Variants in NDOR1 observed in about 807,000 individuals in gnomAD.
NDOR1 encodes NADPH-dependent diflavin oxidoreductase 1.
Under a neutral mutation model 67.2 loss-of-function variants are expected in NDOR1, and 61 were observed. The ratio of observed to expected loss-of-function variants is 0.91; its 90% CI spans 0.74 to 1.12. The LOEUF (loss-of-function observed/expected upper bound fraction) is 1.12. Among genes scored for constraint, NDOR1 ranks in the 50% most tolerant of loss-of-function variants. NDOR1 has a pLI of 0.00. For synonymous variants in NDOR1, 378 were observed against 343.7 expected, an observed-to-expected ratio of 1.10 and a Z score of -1.10; for missense variants, 878 against 802.8, an observed-to-expected ratio of 1.09 and a Z score of -1.13.
chr9:137,214,995 C>G lies in NDOR1; in HGVS notation c.1042C>G (p.Arg348Gly). 1 of 1,613,202 alleles carries G rather than the reference C, an allele frequency of 6.2e-7. No individual in the cohort carries two copies. Among genetic ancestry groups the G allele is most frequent in the East Asian group, 2.2e-5 (1 of 44,856 alleles). The change falls in exon 8 of 14, where the codon CGG becomes GGG. Residue 348 changes from arginine to glycine, a missense_variant. Arg to Gly is a moderately radical substitution (Grantham distance 125, BLOSUM62 -2). Coordinates refer to ENST00000684003, the MANE Select transcript of NDOR1 (RefSeq NM_014434.4). ...GQEELFEYCN[R>G]PRRTILEVLC... is the part of the protein sequence containing the mutation. ...GGAGGAGCTCTTTGAATACTGCAAC[C>G]GGCCCCGCAGGACCATCCTGGAGGT...
chr9:137,210,748 G>C (rs1199557542), intron 2 of NDOR1, among the ~76,000 whole-genome samples: 1 of 152,214 alleles, frequency 6.6e-6, no homozygotes, highest in Non-Finnish European at 1.5e-5. Flanking sequence ...TTGGGAGGCT[G>C]AGGTTGGAGG....
chr9:137,214,680 C>T lies in NDOR1; in HGVS notation c.833C>T (p.Pro278Leu), dbSNP rs368517978. Residue 278 changes from proline to leucine, a missense_variant, in exon 7 of 14, where the codon CCG becomes CTG. Transcript: ENST00000684003. ...CCTGACCAGCTCTTCATGCTGCAGC[C>T]GCGGGAGCCAGGTGAGCCCAGCCTC... ...LDPDQLFMLQ[P>L]REPDVSSPTR... is the part of the protein sequence containing the mutation. The T allele has an allele frequency of 1.6e-5, 26 of 1,603,820 alleles. No homozygotes were observed. Among genetic ancestry groups the T allele is most frequent in the African/African-American group, 2.7e-5 (2 of 75,032 alleles).
At position 137,218,953 on chromosome 9, in the gene NDOR1, C is replaced by T. The variant is rs1046105368; in HGVS notation, c.*2537C>T. The T allele has an allele frequency of 3.1e-5, 8 of 257,742 alleles. No homozygotes were observed. The highest frequency in any genetic ancestry group is 4.4e-5 in the Non-Finnish European group (6 of 136,448). 16.0% of individuals were successfully genotyped at this position (257,742 alleles called of 1,614,324 possible). A position where few individuals can be genotyped will look rare whatever the true frequency, so the allele number is the denominator to read the frequency against. ...CACCGTACTGGCCACGGGCTGACGC[C>T]GGCCACACTTCCCCTCCGAGGGCCA... is the stretch of plus-strand genomic sequence containing the variant. On this transcript the variant is annotated 3_prime_UTR_variant, in exon 14 of 14. Coordinates refer to ENST00000684003, the MANE Select transcript of NDOR1 (RefSeq NM_014434.4).
In NDOR1 at chr9:137,212,409, C is replaced by A. The variant is rs1835303076; in HGVS notation, c.214-93C>A. On this transcript the variant is annotated intron_variant, in intron 2 of 13. Transcript: ENST00000684003. The surrounding 1 kb of genome is among the most constrained non-coding windows in gnomAD (Gnocchi z 4.3). ...TTGTATTCTGCCCCCATCCTACCCA[C>A]CTGCCTGTTCCCCTGAGACCCTCCC... 2.7e-6 allele frequency: 3 copies of A among 1,117,344 alleles called. No individual in the cohort carries two copies. Among genetic ancestry groups the A allele is most frequent in the Non-Finnish European group, 2.7e-6 (2 of 736,162 alleles). The allele number at this position is 1,117,344 out of a possible 1,614,324, so 69.2% of individuals were successfully genotyped here.
chr9:137,213,345 GGAACCA>G (rs1163175017), intron 3 of NDOR1, among the ~76,000 whole-genome samples: 1 of 152,140 alleles, frequency 6.6e-6, no homozygotes, highest in Non-Finnish European at 1.5e-5. Context: ...GTCATGCCTC[GGAACCA>G]GAGTGAGAAG....
At position 137,214,839 on chromosome 9, in the gene NDOR1, C is replaced by T. The variant is rs753434366; in HGVS notation, c.886C>T (p.Arg296Trp). 58 of 1,608,246 alleles carry T rather than the reference C, an allele frequency of 3.6e-5. No individual in the cohort carries two copies. The highest frequency in any genetic ancestry group is 1.8e-4 in the Admixed American group (11 of 60,010). Residue 296 changes from arginine to tryptophan, a missense_variant, in exon 8 of 14, where the codon CGG becomes TGG. By Grantham distance (101) the Arg-to-Trp change is moderately radical (BLOSUM62 -3). Coordinates refer to ENST00000684003, the MANE Select transcript of NDOR1 (RefSeq NM_014434.4). ...GAGGCTGCCCCAGCCCTGCTCCATG[C>T]GGCACCTCGTGTCCCACTACCTGGA... ...PTRLPQPCSMRHLVSHYLDIA... is the reference protein window; with the variant it reads ...PTRLPQPCSMWHLVSHYLDIA...
At chr9:137,206,104 A>G in intron 1 of NDOR1, 128 bp from the exon 2 acceptor site, 2 of 1,443,188 alleles carry the variant, frequency 1.4e-6, no homozygotes, top group South Asian at 1.2e-5. Context: ...GAAAGAGAAG[A>G]CGGTCTGGCT....
At position 137,216,364 on chromosome 9, in the gene NDOR1, A is replaced by G; in HGVS notation, c.1742A>G (p.Tyr581Cys). The change falls in exon 14 of 14, where the codon TAT (tyrosine) becomes TGT (cysteine). Residue 581 changes from tyrosine (Y) to cysteine (C), a missense_variant. Tyr to Cys is a radical substitution (Grantham distance 194, BLOSUM62 -2). Coordinates refer to ENST00000684003, the MANE Select transcript of NDOR1 (RefSeq NM_014434.4). ...CTCTGCAGCCCGGACGCAGCCGCGT[A>G]TCTAGCCAGGCTCCAGCAGACACGG... ...GGLCSPDAAA[Y>C]LARLQQTRRF... 1 of 1,608,630 alleles carries G rather than the reference A, an allele frequency of 6.2e-7. No individual in the cohort carries two copies. Among genetic ancestry groups the G allele is most frequent in the Non-Finnish European group, 8.5e-7 (1 of 1,179,920 alleles).
At position 137,216,022 on chromosome 9, in the gene NDOR1, G is replaced by A. The variant is rs748765993; in HGVS notation, c.1554+5G>A. 1.9e-6 allele frequency: 3 copies of A among 1,613,560 alleles called. No individual in the cohort carries two copies. The highest frequency in any genetic ancestry group is 2.2e-5 in the East Asian group (1 of 44,890). ...CCTGCCTTCTCCCGGGAACAGGTGT[G>A]TATGCTCAGGGGCTGGGAAAGGAGG... On this transcript the variant is annotated splice_donor_5th_base_variant and intron_variant, in intron 12 of 13. Transcript: ENST00000684003.
At chr9:137,207,431 G>T (rs1835024810) in intron 2 of NDOR1, among the ~76,000 whole-genome samples, 1 of 152,022 alleles carries the variant, frequency 6.6e-6, no homozygotes, top group African/African-American at 2.4e-5. Flanking sequence ...AGGGAACCTG[G>T]AGACATTGAA....
intron 2 of NDOR1, among the ~76,000 whole-genome samples, chr9:137,211,132 C>T (rs1048327011): frequency 1.3e-5 from 2 of 152,270 alleles, no homozygotes; most frequent in South Asian, 2.1e-4. Context: ...CAGAGTGAGA[C>T]TCCATCTCAA....
rs1260256362 is a variant in NDOR1 at position 137,215,547 on chromosome 9, C to T, written c.1288+26C>T. The T allele has an allele frequency of 5.6e-6, 9 of 1,611,756 alleles. No homozygotes were observed. In the East Asian group the frequency reaches 1.8e-4, roughly 32 times the overall value. ...GTGACCCCTGCTCCCAGGGTGGGGG[C>T]CGTGGGCCCATATCCCCTTCTCTCC... On this transcript the variant is annotated intron_variant, in intron 10 of 13. Transcript: ENST00000684003.
At chr9:137,208,154 A>G (rs895593935) in intron 2 of NDOR1, among the ~76,000 whole-genome samples, 6 of 149,346 alleles carry the variant, frequency 4.0e-5, no homozygotes, top group Non-Finnish European at 5.9e-5. Flanking sequence ...AAAAAAAAAA[A>G]AAAAAAGAAA....
chr9:137,205,883 C>G lies in NDOR1; in HGVS notation c.106C>G (p.Arg36Gly), dbSNP rs747513395. The G allele has an allele frequency of 1.3e-6, 2 of 1,598,132 alleles. No individual in the cohort carries two copies. The highest frequency in any genetic ancestry group is 1.7e-5 in the Admixed American group (1 of 59,830). Reference protein sequence around the residue: ...REARRRRLGCRVQALDSYPVV... With the variant: ...REARRRRLGCGVQALDSYPVV... ...GGCCCGGCGCCGGCGGCTTGGCTGCCGGGTGCAGGCCCTGGACTCCTACCC... is the reference window on the plus strand; with the variant it reads ...GGCCCGGCGCCGGCGGCTTGGCTGCGGGGTGCAGGCCCTGGACTCCTACCC... The change falls in exon 1 of 14, where the codon CGG (arginine) becomes GGG (glycine). Residue 36 changes from arginine to glycine, a missense_variant. Coordinates refer to ENST00000684003, the MANE Select transcript of NDOR1 (RefSeq NM_014434.4).
At chr9:137,207,488 G>C (rs776393941) in intron 2 of NDOR1, among the ~76,000 whole-genome samples, 1 of 151,980 alleles carries the variant, frequency 6.6e-6, no homozygotes, top group Non-Finnish European at 1.5e-5. Context: ...ATCCTGGGGC[G>C]GAGATAGGTG....
chr9:137,206,249 G>A lies in NDOR1; in HGVS notation c.153G>A (p.Glu51=). The A allele has an allele frequency of 6.2e-7, 1 of 1,613,960 alleles. No homozygotes were observed. Among genetic ancestry groups the A allele is most frequent in the Non-Finnish European group, 8.5e-7 (1 of 1,179,984 alleles). ...DSYPVVNLIN[E]PLVIFVCATT... ...TTGTTGAGGTGAATCTGATTAACGA[G>A]CCCCTGGTGATATTTGTTTGTGCAA... The change falls in exon 2 of 14, where the codon GAG becomes GAA. Residue 51 remains glutamate, a synonymous_variant. Transcript: ENST00000684003.
In NDOR1 at chr9:137,216,421, C is replaced by T. The variant is rs568099013; in HGVS notation, c.*5C>T. The T allele has an allele frequency of 5.3e-5, 84 of 1,596,652 alleles. No individual in the cohort carries two copies. The South Asian group carries it at 7.7e-4, about 15-fold the overall frequency. The stretch of plus-strand genomic sequence containing the variant: ...CAGACAGAGACGTGGGCCTGAGGCC[C>T]GCGGCTGCCCGTGCCCCCTCTGACA... On this transcript the variant is annotated 3_prime_UTR_variant, in exon 14 of 14. Coordinates refer to ENST00000684003, the MANE Select transcript of NDOR1 (RefSeq NM_014434.4).
In NDOR1 at chr9:137,212,342, C is replaced by T. The variant is rs1390354035; in HGVS notation, c.214-160C>T. Among the ~76,000 whole-genome samples, 1 of 152,140 alleles carries T rather than the reference C, an allele frequency of 6.6e-6. No homozygotes were observed. Among genetic ancestry groups the T allele is most frequent in the Non-Finnish European group, 1.5e-5 (1 of 68,018 alleles). On this transcript the variant is annotated intron_variant, in intron 2 of 13. Coordinates refer to ENST00000684003, the MANE Select transcript of NDOR1 (RefSeq NM_014434.4). The surrounding 1 kb of genome is among the most constrained non-coding windows in gnomAD (Gnocchi z 4.3). Reference sequence around the variant, plus strand: ...CCTCCTCCCGGTGCCCATCATCCTGCAGGCTGGACCTGGGCCCTGCCTTTT... The same window carrying T: ...CCTCCTCCCGGTGCCCATCATCCTGTAGGCTGGACCTGGGCCCTGCCTTTT...
In NDOR1 at chr9:137,216,504, T is replaced by A. The variant is rs1835614506; in HGVS notation, c.*88T>A. On this transcript the variant is annotated 3_prime_UTR_variant, in exon 14 of 14. Transcript: ENST00000684003. ...CGAGGGAGCTCCTGGCCAGCAGCCG[T>A]CATCCTCTCGGACCAGCCAGCTGGT... 1 of 1,493,560 alleles carries A rather than the reference T, an allele frequency of 6.7e-7. No individual in the cohort carries two copies. Among genetic ancestry groups the A allele is most frequent in the Admixed American group, 2.1e-5 (1 of 47,804 alleles). The allele number at this position is 1,493,560 out of a possible 1,614,324, so 92.5% of individuals were successfully genotyped here.
Sources: allele counts gnomAD v4.1 joint callset (sites outside exome capture counted in the v4.1 genomes callset), GRCh38; gene constraint gnomAD v4.1.1; non-coding constraint Gnocchi (gnomAD v3.1); transcripts MANE v1.5; gene names NCBI Gene and HGNC (gene_info 2026-07-23, HGNC 2026-07-21).